The following SGCD variants were observed in gnomAD, a reference collection of about 807,000 sequenced individuals.
SGCD encodes delta-sarcoglycan.
SGCD carries 18 observed loss-of-function variants against 36.6 expected under a neutral mutation model. The observed-to-expected ratio is 0.49, with a 90% CI of 0.34 to 0.73. The LOEUF is 0.73. Ranked by LOEUF, SGCD falls within the 30% of genes least tolerant of loss-of-function variation. The pLI, the probability that SGCD is intolerant of heterozygous loss-of-function variation, is 0.01. For missense variants in SGCD, 387 were observed against 346.7 expected (o/e 1.12, Z -0.92); for synonymous variants, 133 against 130.6 (o/e 1.02, Z -0.12).
At chr5:156,379,489 T>C (rs1770864061) in intron 3 of SGCD, among the ~76,000 whole-genome samples, 1 of 152,168 alleles carries the variant, frequency 6.6e-6, no homozygotes, top group African/African-American at 2.4e-5. Flanking sequence ...TGAAGCACTA[T>C]GATGACAGGA....
At chr5:156,666,957 T>A (rs1753068077) in intron 7 of SGCD, among the ~76,000 whole-genome samples, 1 of 151,992 alleles carries the variant, frequency 6.6e-6, no homozygotes, top group Non-Finnish European at 1.5e-5. Context: ...AAACTAATAA[T>A]AAATAAAAAT....
intron 3 of SGCD, among the ~76,000 whole-genome samples, chr5:156,418,875 A>C (rs1210965812): frequency 6.6e-6 from 1 of 152,140 alleles, no homozygotes; most frequent in African/African-American, 2.4e-5. Flanking sequence ...ACCAGTGTAC[A>C]TTTGGCATTA....
At chr5:156,655,212 T>C (rs1487150791) in intron 7 of SGCD, among the ~76,000 whole-genome samples, 4 of 152,162 alleles carry the variant, frequency 2.6e-5, no homozygotes, top group Non-Finnish European at 5.9e-5. Context: ...ACATGTTCCT[T>C]ACCTAATCAA....
chr5:156,197,215 C>CT (rs1465665773), intron 3 of SGCD, among the ~76,000 whole-genome samples: 2 of 152,038 alleles, frequency 1.3e-5, no homozygotes, highest in East Asian at 1.9e-4. Flanking sequence ...GTATAGAACC[C>CT]TTTTTTTAGC....
At chr5:156,524,609 G>T (rs1561754508) in intron 4 of SGCD, among the ~76,000 whole-genome samples, 2 of 151,688 alleles carry the variant, frequency 1.3e-5, no homozygotes, top group East Asian at 1.9e-4. Flanking sequence ...AATACCTAAG[G>T]TCTACTTTCT....
the SGCD span, among the ~76,000 whole-genome samples, chr5:155,811,652 GCT>G: frequency 9.1e-3 from 1,385 of 152,286 alleles, 22 homozygotes; most frequent in African/African-American, 0.032. Context: ...ATGCAACGGG[GCT>G]CTCTCTTTGT....
chr5:156,751,110 T>A (rs1757134434), intron 7 of SGCD, among the ~76,000 whole-genome samples: 1 of 151,940 alleles, frequency 6.6e-6, no homozygotes, highest in South Asian at 2.1e-4. Context: ...GTATAAAGAA[T>A]TTTAAAACTC....
chr5:156,226,267 T>C (rs1764855763), intron 3 of SGCD, among the ~76,000 whole-genome samples: 2 of 152,274 alleles, frequency 1.3e-5, no homozygotes, highest in East Asian at 3.9e-4. Flanking sequence ...GTCATTCTTA[T>C]GCCTTTGCAT....
rs1413978872 is a variant in SGCD, at chr5:156,764,431, A to G, written c.*5041A>G. The stretch of plus-strand genomic sequence containing the variant: ...CCTGCTGCTTCAGCCAGCACAGCAC[A>G]CCACACACGCTCGCACTTTCAAAAG... On this transcript the variant is annotated 3_prime_UTR_variant, in exon 9 of 9. Transcript: ENST00000337851. 2.0e-5 allele frequency: 3 copies of G among 152,630 alleles called. No individual in the cohort carries two copies. The East Asian group carries it at 5.8e-4, about 29-fold the overall frequency. 9.5% of individuals were successfully genotyped at this position (152,630 alleles called of 1,614,324 possible).
chr5:156,692,163 G>A (rs924301142), intron 7 of SGCD, among the ~76,000 whole-genome samples: 1 of 152,096 alleles, frequency 6.6e-6, no homozygotes, highest in African/African-American at 2.4e-5. Context: ...ATCATCTCAA[G>A]ACTCTACAAA....
chr5:156,269,462 T>A (rs1435394849), intron 3 of SGCD, among the ~76,000 whole-genome samples: 2 of 91,498 alleles, frequency 2.2e-5, no homozygotes, highest in Non-Finnish European at 3.9e-5. Context: ...AGAGTGAGAC[T>A]CCGTCTCAAA....
At chr5:156,420,558 C>T (rs1216978592) in intron 3 of SGCD, among the ~76,000 whole-genome samples, 2 of 151,960 alleles carry the variant, frequency 1.3e-5, no homozygotes, top group Non-Finnish European at 2.9e-5. Context: ...GCATAAAAAT[C>T]CATCTGAACT....
At chr5:156,149,717 TGG>T (rs952682965) in intron 3 of SGCD, among the ~76,000 whole-genome samples, 2 of 151,364 alleles carry the variant, frequency 1.3e-5, no homozygotes, top group African/African-American at 2.4e-5. Context: ...TGGGGTGATG[TGG>T]GGAGGGTCGT....
At chr5:156,723,850 AGTGTGTGTGTGT>A (rs60939391) in intron 7 of SGCD, among the ~76,000 whole-genome samples, 17 of 150,010 alleles carry the variant, frequency 1.1e-4, no homozygotes, top group Non-Finnish European at 1.2e-4. Context: ...TTTTAAGCCA[AGTGTGTGTGTGT>A]GTGTGTGTGT....
At chr5:156,292,291 T>A (rs1252793098) in intron 3 of SGCD, among the ~76,000 whole-genome samples, 2 of 152,116 alleles carry the variant, frequency 1.3e-5, no homozygotes, top group Admixed American at 1.3e-4. Flanking sequence ...CACCTGCCCC[T>A]CAGGCCCTGG....
chr5:155,937,798 TGCA>T (rs1364732729), intron 1 of SGCD, among the ~76,000 whole-genome samples: 3 of 152,252 alleles, frequency 2.0e-5, no homozygotes, highest in African/African-American at 7.2e-5. Flanking sequence ...GTTATTGGAC[TGCA>T]TTGTAAATAG....
chr5:156,681,654 C>T (rs76198969), intron 7 of SGCD, among the ~76,000 whole-genome samples: 2,659 of 152,182 alleles, frequency 0.017, 33 homozygotes, highest in Non-Finnish European at 0.029. Flanking sequence ...TTATGTTTGA[C>T]GCTGGAGAGG....
At chr5:155,900,419 C>CTTT (rs1364195874) in intron 1 of SGCD, among the ~76,000 whole-genome samples, 3 of 150,680 alleles carry the variant, frequency 2.0e-5, no homozygotes, top group Non-Finnish European at 4.4e-5. Context: ...TTGCAACTAG[C>CTTT]TTTTTTTTAT....
intron 6 of SGCD, among the ~76,000 whole-genome samples, chr5:156,626,170 GA>G (rs891592292): frequency 3.2e-4 from 48 of 152,196 alleles, no homozygotes; most frequent in African/African-American, 1.0e-3. Flanking sequence ...CTGAGGTTGA[GA>G]AGCCGTGGGC....
Sources: allele counts gnomAD v4.1 joint callset (sites outside exome capture counted in the v4.1 genomes callset), GRCh38; gene constraint gnomAD v4.1.1; transcripts MANE v1.5; gene names NCBI Gene and HGNC (gene_info 2026-07-23, HGNC 2026-07-21).